Variants in LFNG observed in about 807,000 individuals in gnomAD.
LFNG encodes LFNG O-fucosylpeptide 3-beta-N-acetylglucosaminyltransferase, also known as beta-1,3-N-acetylglucosaminyltransferase lunatic fringe.
Under a neutral mutation model 32.7 loss-of-function variants are expected in LFNG, and 15 were observed. The ratio of observed to expected loss-of-function variants is 0.46; its 90% CI spans 0.31 to 0.71. The LOEUF is 0.71. LFNG is among the 30% of genes least tolerant of loss of function. LFNG has a pLI of 0.06. For missense variants in LFNG, 520 were observed against 545.7 expected (o/e 0.95, Z 0.47); for synonymous variants, 274 against 246.8 (o/e 1.11, Z -1.03).
chr7:2,527,526 G>T lies in LFNG; in HGVS notation c.*314G>T. On this transcript the variant is annotated 3_prime_UTR_variant, in exon 8 of 8. Transcript: ENST00000222725. The surrounding 1 kb of genome is among the most constrained non-coding windows in gnomAD (Gnocchi z 4.4). ...GAGGGCAATTCTGTTAGGATTTTTG[G>T]ATCTTTCTACAGCTACGGGGCTCCG... 1.5e-6 allele frequency: 2 copies of T among 1,320,974 alleles called. No individual in the cohort carries two copies. Among genetic ancestry groups the T allele is most frequent in the South Asian group, 3.1e-5 (2 of 65,020 alleles). The allele number at this position is 1,320,974 out of a possible 1,614,324, so 81.8% of individuals were successfully genotyped here. A position where few individuals can be genotyped will look rare whatever the true frequency, so the allele number is the denominator to read the frequency against.
rs1780049999 is a variant in LFNG at position 2,528,090 on chromosome 7, G to A, written c.*878G>A. 1.3e-4 allele frequency: 18 copies of A among 134,386 alleles called. No individual in the cohort carries two copies. The highest frequency in any genetic ancestry group is 2.8e-4 in the South Asian group (1 of 3,604). The allele number at this position is 134,386 out of a possible 1,614,324, so 8.3% of individuals were successfully genotyped here. On this transcript the variant is annotated 3_prime_UTR_variant, in exon 8 of 8. Coordinates refer to ENST00000222725, the MANE Select transcript of LFNG (RefSeq NM_001040167.2). ...CTTGGGAGGGTGGGGGTGGGGGAGGGTCTTATTTTATCTTATCTTTTCTGT... is the reference window on the plus strand; with the variant it reads ...CTTGGGAGGGTGGGGGTGGGGGAGGATCTTATTTTATCTTATCTTTTCTGT...
chr7:2,516,288 C>T (rs1779625885), upstream of LFNG, among the ~76,000 whole-genome samples: 2 of 152,256 alleles, frequency 1.3e-5, no homozygotes, highest in South Asian at 2.1e-4. Flanking sequence ...GATGAGTGGA[C>T]AGGCGCCTCG....
chr7:2,525,473 T>G lies in LFNG; in HGVS notation c.641T>G (p.Leu214Arg). The change falls in exon 4 of 8, where the codon CTG (leucine) becomes CGG (arginine). Residue 214 changes from leucine (L) to arginine (R), a missense_variant. Physicochemically the swap from Leu to Arg is moderately radical, Grantham distance 102. Coordinates refer to ENST00000222725, the MANE Select transcript of LFNG (RefSeq NM_001040167.2). Reference protein sequence around the residue: ...YVNLRALLRLLASYPHTRDVY... With the variant: ...YVNLRALLRLRASYPHTRDVY... ...AACCTGCGGGCCCTGCTGCGGCTGC[T>G]GGCCAGCTACCCGCACACGCGGGAC... 6.2e-7 allele frequency: 1 copy of G among 1,612,574 alleles called. No homozygotes were observed. The highest frequency in any genetic ancestry group is 8.5e-7 in the Non-Finnish European group (1 of 1,179,856).
chr7:2,524,676 G>A lies in LFNG; in HGVS notation c.433-19G>A, dbSNP rs985187480. 2 of 1,575,500 alleles carry A rather than the reference G, an allele frequency of 1.3e-6. No individual in the cohort carries two copies. Among genetic ancestry groups the A allele is most frequent in the African/African-American group, 2.7e-5 (2 of 74,410 alleles). Reference sequence around the variant, plus strand: ...GGGGATGAAGGGCTGCCTGCTGAAGGCCGATTTTCTCCTTCCAGACGTTCA... The same window carrying A: ...GGGGATGAAGGGCTGCCTGCTGAAGACCGATTTTCTCCTTCCAGACGTTCA... On this transcript the variant is annotated intron_variant, in intron 1 of 7. Coordinates refer to ENST00000222725, the MANE Select transcript of LFNG (RefSeq NM_001040167.2).
upstream of LFNG, among the ~76,000 whole-genome samples, chr7:2,514,752 A>G (rs951668962): frequency 6.6e-6 from 1 of 151,108 alleles, no homozygotes; most frequent in Non-Finnish European, 1.5e-5. Flanking sequence ...CCATTCATCC[A>G]TCCATGCATC....
chr7:2,529,085 G>A (rs558294755), downstream of LFNG: 3 of 396,442 alleles, frequency 7.6e-6, no homozygotes, highest in South Asian at 8.2e-5. The surrounding 1 kb of genome is among the most constrained non-coding windows in gnomAD (Gnocchi z 4.2). Context: ...GAGCAGTGCC[G>A]GAGCCCCCAC....
chr7:2,518,082 G>C, upstream of LFNG: 1 of 341,682 alleles, frequency 2.9e-6, no homozygotes, highest in Non-Finnish European at 4.9e-6. Context: ...ACTGAAGCAC[G>C]TGGGGTCATG....
At chr7:2,521,178 CTG>C (rs1476898822) in intron 1 of LFNG, among the ~76,000 whole-genome samples, 3 of 149,220 alleles carry the variant, frequency 2.0e-5, no homozygotes, top group Non-Finnish European at 4.5e-5. Flanking sequence ...TTTTGGGGCA[CTG>C]TGGGTGGGTG....
upstream of LFNG, chr7:2,513,422 C>G: frequency 7.5e-7 from 1 of 1,330,106 alleles, no homozygotes; most frequent in Non-Finnish European, 1.0e-6. Context: ...TTCCCTGATC[C>G]TTTCAAGGGG....
chr7:2,525,664 A>G, intron 4 of LFNG, 21 bp from the exon 5 acceptor site: 1 of 1,612,942 alleles, frequency 6.2e-7, no homozygotes, highest in Non-Finnish European at 8.5e-7. Context: ...GGGTCTCAGG[A>G]CACCTTCTCC....
At chr7:2,517,255 C>T (rs1216087419), upstream of LFNG, among the ~76,000 whole-genome samples, 1 of 152,186 alleles carries the variant, frequency 6.6e-6, no homozygotes, top group Non-Finnish European at 1.5e-5. Context: ...ATTCCATTCT[C>T]CTGACAGCAA....
Position 2,519,919 on chromosome 7 carries a change from T to G in LFNG, c.58T>G (p.Cys20Gly). ...LLALAGALLA[C>G]LLVLTADPPP... ...GGCGCTGGCGGGCGCGCTGCTCGCC[T>G]GCCTGCTGGTGCTCACCGCCGACCC... The change falls in exon 1 of 8, where the codon TGC becomes GGC. Residue 20 changes from cysteine (C) to glycine (G), a missense_variant. Cys to Gly is a radical substitution (Grantham distance 159). Transcript: ENST00000222725. The G allele has an allele frequency of 9.3e-7, 1 of 1,071,720 alleles. No homozygotes were observed. Among genetic ancestry groups the G allele is most frequent in the Non-Finnish European group, 1.1e-6 (1 of 883,186 alleles). 66.4% of individuals were successfully genotyped at this position (1,071,720 alleles called of 1,614,324 possible). A position where few individuals can be genotyped will look rare whatever the true frequency, so the allele number is the denominator to read the frequency against.
At position 2,527,964 on chromosome 7, in the gene LFNG, G is replaced by A. The variant is rs1462783983; in HGVS notation, c.*752G>A. The A allele has an allele frequency of 3.6e-5, 35 of 985,014 alleles. No homozygotes were observed. The highest frequency in any genetic ancestry group is 6.2e-5 in the Admixed American group (1 of 16,236). 61.0% of individuals were successfully genotyped at this position (985,014 alleles called of 1,614,324 possible). On this transcript the variant is annotated 3_prime_UTR_variant, in exon 8 of 8. Transcript: ENST00000222725. This position sits in a 1 kb window ranked among gnomAD's most constrained non-coding sequence, Gnocchi z 4.4. The stretch of plus-strand genomic sequence containing the variant: ...TCCTCTCCAAAGTAGAGAGCAAGTC[G>A]CCCACAGTGGGCGTGTCTGTAAATA...
At chr7:2,513,065 A>G (rs956634329), upstream of LFNG, 2 of 1,251,632 alleles carry the variant, frequency 1.6e-6, no homozygotes, top group Non-Finnish European at 2.3e-6. Flanking sequence ...CCCAGCCCAC[A>G]GTGGGTTCTC....
exon 1 of LFNG, chr7:2,512,698 T>G (rs772080454): frequency 1.9e-6 from 3 of 1,613,772 alleles, no homozygotes; most frequent in Middle Eastern, 1.6e-4. Context: ...ACGTATTGTA[T>G]GAGGTGGGCC....
At chr7:2,517,240 A>G (rs1213939897), upstream of LFNG, among the ~76,000 whole-genome samples, 1 of 152,110 alleles carries the variant, frequency 6.6e-6, no homozygotes, top group Non-Finnish European at 1.5e-5. Context: ...AGAAGTCACC[A>G]CGAAATTCCA....
upstream of LFNG, among the ~76,000 whole-genome samples, chr7:2,512,974 A>C (rs993615255): frequency 1.3e-5 from 2 of 151,482 alleles, no homozygotes; most frequent in African/African-American, 4.9e-5. Context: ...CTCCACCTCC[A>C]CCTGCCCAAG....
At chr7:2,524,151 C>G (rs887515302) in intron 1 of LFNG, among the ~76,000 whole-genome samples, 2 of 152,202 alleles carry the variant, frequency 1.3e-5, no homozygotes, top group Non-Finnish European at 2.9e-5. Context: ...CCTCCAGGCC[C>G]TTTGTCCGCC....
chr7:2,527,419 G>A lies in LFNG; in HGVS notation c.*207G>A, dbSNP rs10259275. 3,362 of 1,457,264 alleles carry A rather than the reference G, an allele frequency of 2.3e-3. 78 individuals are homozygous for A. In the African/African-American group the frequency reaches 0.042, roughly 18 times the overall value. 90.3% of individuals were successfully genotyped at this position (1,457,264 alleles called of 1,614,324 possible). A position where few individuals can be genotyped will look rare whatever the true frequency, so the allele number is the denominator to read the frequency against. On this transcript the variant is annotated 3_prime_UTR_variant, in exon 8 of 8. Coordinates refer to ENST00000222725, the MANE Select transcript of LFNG (RefSeq NM_001040167.2). This position sits in a 1 kb window ranked among gnomAD's most constrained non-coding sequence, Gnocchi z 4.4. ...GCTCTGTGGAGGGGCGGGCACCAGC[G>A]CCACTTATGTGCCTCTGCTCCGAGG...
Sources: gnomAD v4.1 joint callset for allele counts (sites outside exome capture counted in the v4.1 genomes callset) on GRCh38, gnomAD v4.1.1 for gene constraint, Gnocchi (gnomAD v3.1) non-coding constraint, MANE v1.5 for transcripts, NCBI Gene and HGNC (gene_info 2026-07-23, HGNC 2026-07-21) for gene names.